The following ANKRD33B variants were observed in gnomAD, a reference collection of about 807,000 sequenced individuals.
ANKRD33B encodes ankyrin repeat domain-containing protein 33B.
A neutral mutation model predicts 21.5 loss-of-function variants in ANKRD33B; 6 were observed. That is an observed-to-expected ratio of 0.28 (90% CI 0.15 to 0.55). The LOEUF (loss-of-function observed/expected upper bound fraction) is 0.55, where lower values mean the gene tolerates loss of function less well. ANKRD33B is among the 20% of genes least tolerant of loss of function. The pLI is 0.94. For synonymous variants in ANKRD33B, 347 were observed against 342.4 expected, an observed-to-expected ratio of 1.01 and a Z score of -0.15; for missense variants, 698 against 747.2, an observed-to-expected ratio of 0.93 and a Z score of 0.77.
intron 2 of ANKRD33B, among the ~76,000 whole-genome samples, chr5:10,630,883 AAAAG>A (rs983440006): frequency 3.3e-5 from 5 of 151,630 alleles, no homozygotes; most frequent in East Asian, 1.9e-4. Flanking sequence ...AAAAAAAAAA[AAAAG>A]AAGAAGAAAT....
In ANKRD33B at chr5:10,638,056, G is replaced by A. The variant is rs554602042; in HGVS notation, c.525G>A (p.Leu175=). The A allele has an allele frequency of 5.2e-6, 8 of 1,537,502 alleles. No homozygotes were observed. Among genetic ancestry groups the A allele is most frequent in the Non-Finnish European group, 5.2e-6 (6 of 1,146,986 alleles). ...AGHAIITNYL[L]NYFPGLDLER... ...ACGCTATCATCACTAACTACTTGTTGAACTATTTCCCTGGTCTTGACCTTG... is the reference window on the plus strand; with the variant it reads ...ACGCTATCATCACTAACTACTTGTTAAACTATTTCCCTGGTCTTGACCTTG... Residue 175 remains leucine (L), a synonymous_variant, in exon 3 of 4, where the codon TTG becomes TTA. Coordinates refer to ENST00000296657, the MANE Select transcript of ANKRD33B (RefSeq NM_001164440.2).
At chr5:10,566,481 G>A (rs1417194804) in intron 1 of ANKRD33B, among the ~76,000 whole-genome samples, 1 of 152,238 alleles carries the variant, frequency 6.6e-6, no homozygotes, top group African/African-American at 2.4e-5. Flanking sequence ...AAAGGAACAG[G>A]TGGGGTGGGC....
chr5:10,606,730 C>CT (rs770615117), intron 1 of ANKRD33B, among the ~76,000 whole-genome samples: 2,606 of 136,266 alleles, frequency 0.019, 78 homozygotes, highest in African/African-American at 0.058. Flanking sequence ...AAGACTCTGT[C>CT]TTTTTTTTTT....
At chr5:10,579,342 GC>G (rs901974793) in intron 1 of ANKRD33B, among the ~76,000 whole-genome samples, 1 of 146,650 alleles carries the variant, frequency 6.8e-6, no homozygotes, top group African/African-American at 2.5e-5. Flanking sequence ...CAAGAAGCCT[GC>G]TAAGTAATGG....
intron 1 of ANKRD33B, among the ~76,000 whole-genome samples, chr5:10,575,189 C>CCGAGGTGG (rs1553990444): frequency 1.5e-5 from 1 of 64,532 alleles, no homozygotes. Context: ...CTTTGGGAGG[C>CCGAGGTGG]CGAGGTGGGC....
intron 1 of ANKRD33B, among the ~76,000 whole-genome samples, chr5:10,609,983 A>G (rs867852075): frequency 2.0e-5 from 3 of 152,364 alleles, no homozygotes; most frequent in Middle Eastern, 6.8e-3. Context: ...TGGGAAATGG[A>G]CAAAAGACAT....
rs143407708 is a variant in ANKRD33B at position 10,646,809 on chromosome 5, C to A, written c.638-2457C>A. 3.7e-3 allele frequency among the ~76,000 whole-genome samples: 561 copies of A among 152,288 alleles called. 4 individuals are homozygous for A. The highest frequency in any genetic ancestry group is 0.013 in the African/African-American group (545 of 41,554). On this transcript the variant is annotated intron_variant, in intron 3 of 3. Transcript: ENST00000296657. The stretch of plus-strand genomic sequence containing the variant: ...TTACCACTCTTCTAATATGGCTATT[C>A]TTTAATGTGTCACAGAACTAAGATC...
chr5:10,604,235 G>C (rs1735992899), intron 1 of ANKRD33B, among the ~76,000 whole-genome samples: 1 of 123,486 alleles, frequency 8.1e-6, no homozygotes, highest in Non-Finnish European at 1.6e-5. Flanking sequence ...TCTGTCACCC[G>C]GGCTGGAGTA....
At chr5:10,618,976 G>A (rs1005041254) in intron 2 of ANKRD33B, among the ~76,000 whole-genome samples, 6 of 152,262 alleles carry the variant, frequency 3.9e-5, no homozygotes, top group Admixed American at 1.3e-4. Flanking sequence ...TCTTGTGAGC[G>A]GGTATCCAAG....
chr5:10,632,192 G>C (rs573870727), intron 2 of ANKRD33B, among the ~76,000 whole-genome samples: 6 of 151,926 alleles, frequency 3.9e-5, no homozygotes, highest in African/African-American at 1.5e-4. Context: ...TGGGCAGCGT[G>C]GGGGGCGATG....
At chr5:10,593,420 C>G (rs1241665908) in intron 1 of ANKRD33B, among the ~76,000 whole-genome samples, 1 of 152,144 alleles carries the variant, frequency 6.6e-6, no homozygotes, top group East Asian at 1.9e-4. Context: ...CCCCTTTAGA[C>G]ACTGGATATT....
Position 10,650,057 on chromosome 5 carries a change from C to A in ANKRD33B, c.1429C>A (p.Arg477Ser). The change falls in exon 4 of 4, where the codon CGC (arginine) becomes AGC (serine). Residue 477 changes from arginine (R) to serine (S), a missense_variant. Coordinates refer to ENST00000296657, the MANE Select transcript of ANKRD33B (RefSeq NM_001164440.2). ...KRKAEEAEKK[R>S]QAEAQKERRT... is the part of the protein sequence containing the mutation. The stretch of plus-strand genomic sequence containing the variant: ...GAAGGCAGAGGAGGCCGAAAAGAAG[C>A]GCCAGGCCGAGGCGCAGAAGGAGAG... 6.5e-7 allele frequency: 1 copy of A among 1,530,492 alleles called. No homozygotes were observed. The highest frequency in any genetic ancestry group is 8.7e-7 in the Non-Finnish European group (1 of 1,143,356). 94.8% of individuals were successfully genotyped at this position (1,530,492 alleles called of 1,614,324 possible). A position where few individuals can be genotyped will look rare whatever the true frequency, so the allele number is the denominator to read the frequency against.
chr5:10,610,394 G>C (rs1736143146), intron 1 of ANKRD33B, among the ~76,000 whole-genome samples: 1 of 151,032 alleles, frequency 6.6e-6, no homozygotes, highest in African/African-American at 2.5e-5. Flanking sequence ...GCATAGTACA[G>C]GGGACAGCCC....
At chr5:10,645,394 G>C (rs1737169544) in intron 3 of ANKRD33B, among the ~76,000 whole-genome samples, 1 of 152,218 alleles carries the variant, frequency 6.6e-6, no homozygotes. Context: ...TGCTAGTCCT[G>C]GGCCTGGCCA....
chr5:10,585,740 G>T (rs1735540929), intron 1 of ANKRD33B, among the ~76,000 whole-genome samples: 1 of 152,210 alleles, frequency 6.6e-6, no homozygotes, highest in African/African-American at 2.4e-5. Flanking sequence ...CTGGGTGAGG[G>T]CGCTGTGCCA....
intron 1 of ANKRD33B, among the ~76,000 whole-genome samples, chr5:10,604,930 A>G (rs377657776): frequency 1.1e-4 from 16 of 152,312 alleles, no homozygotes; most frequent in African/African-American, 3.1e-4. Context: ...CACAGTGTCT[A>G]TGGCTCGGGA....
chr5:10,634,745 T>C (rs1444814954), intron 2 of ANKRD33B, among the ~76,000 whole-genome samples: 1 of 151,506 alleles, frequency 6.6e-6, no homozygotes, highest in Non-Finnish European at 1.5e-5. Context: ...AGTGAGCCAC[T>C]GCACCTGGCC....
chr5:10,623,595 C>G (rs139827653), intron 2 of ANKRD33B, among the ~76,000 whole-genome samples: 1 of 152,216 alleles, frequency 6.6e-6, no homozygotes. Flanking sequence ...ACAGGAATTT[C>G]GGAGGACAGA....
At chr5:10,647,473 G>A (rs531135225) in intron 3 of ANKRD33B, among the ~76,000 whole-genome samples, 3 of 152,280 alleles carry the variant, frequency 2.0e-5, no homozygotes, top group South Asian at 2.1e-4. Context: ...CAGCAATTCC[G>A]TATTAATTTC....
Sources: gnomAD v4.1 joint callset for allele counts (sites outside exome capture counted in the v4.1 genomes callset) on GRCh38, gnomAD v4.1.1 for gene constraint, MANE v1.5 for transcripts, NCBI Gene and HGNC (gene_info 2026-07-23, HGNC 2026-07-21) for gene names.